Variants in CNTNAP5 observed in about 807,000 individuals in gnomAD.
CNTNAP5 encodes the protein contactin associated protein family member 5, also known as contactin-associated protein-like 5.
A neutral mutation model predicts 150.2 loss-of-function variants in CNTNAP5; 72 were observed. The ratio of observed to expected loss-of-function variants is 0.48; its 90% CI spans 0.40 to 0.58. The LOEUF (loss-of-function observed/expected upper bound fraction) is 0.58, where lower values mean the gene tolerates loss of function less well. Ranked by LOEUF, CNTNAP5 falls within the 20% of genes least tolerant of loss-of-function variation. The probability of loss-of-function intolerance (pLI) is 0.00; values close to 1 mark genes in which losing one functional copy is unlikely to be tolerated. For missense variants in CNTNAP5, 1,636 were observed against 1,626.2 expected (o/e 1.01, Z -0.10); for synonymous variants, 672 against 619.8 (o/e 1.08, Z -1.25).
intron 19 of CNTNAP5, among the ~76,000 whole-genome samples, chr2:124,855,873 T>C (rs963742400): frequency 6.6e-6 from 1 of 152,116 alleles, no homozygotes; most frequent in Admixed American, 6.6e-5. Flanking sequence ...CCTTTCACCC[T>C]TACCCTTGAG....
intron 3 of CNTNAP5, among the ~76,000 whole-genome samples, chr2:124,354,913 A>G (rs1001458695): frequency 6.6e-6 from 1 of 152,036 alleles, no homozygotes; most frequent in African/African-American, 2.4e-5. Context: ...AATCAGATCA[A>G]TCTTCAGTTT....
intron 19 of CNTNAP5, among the ~76,000 whole-genome samples, chr2:124,824,868 C>T (rs538707981): frequency 3.5e-4 from 53 of 152,318 alleles, no homozygotes; most frequent in African/African-American, 1.0e-3. Flanking sequence ...AATTTATACA[C>T]GTTCCAATCC....
chr2:124,516,531 A>G (rs1573429484), intron 8 of CNTNAP5, among the ~76,000 whole-genome samples: 1 of 152,356 alleles, frequency 6.6e-6, no homozygotes, highest in East Asian at 1.9e-4. Flanking sequence ...AGTGTCACGC[A>G]CTTGAGCAAG....
At chr2:124,408,294 G>A (rs530609277) in intron 3 of CNTNAP5, among the ~76,000 whole-genome samples, 290 of 152,150 alleles carry the variant, frequency 1.9e-3, no homozygotes, top group Non-Finnish European at 3.0e-3. Context: ...CAAGGCCGCA[G>A]CGAGGCTGGG....
chr2:124,313,321 G>A lies in CNTNAP5; in HGVS notation c.381+70928G>A, dbSNP rs370995446. 1.1e-3 allele frequency among the ~76,000 whole-genome samples: 174 copies of A among 152,258 alleles called. No homozygotes were observed. In the Middle Eastern group the frequency reaches 0.027, roughly 24 times the overall value. ...ACATTTAGGCATCCAATCATTAAAT[G>A]TATTTGTAACAGAAAAGGCAAAACT... is the stretch of plus-strand genomic sequence containing the variant. On this transcript the variant is annotated intron_variant, in intron 3 of 23. Coordinates refer to ENST00000682447, the MANE Select transcript of CNTNAP5 (RefSeq NM_001367498.1).
At chr2:124,242,050 G>A (rs1686899667) in intron 2 of CNTNAP5, 150 bp from the exon 3 acceptor site, 5 of 613,024 alleles carry the variant, frequency 8.2e-6, no homozygotes, top group Non-Finnish European at 1.4e-5. Flanking sequence ...AGTACCAGGG[G>A]GTTAAGTACA....
intron 1 of CNTNAP5, among the ~76,000 whole-genome samples, chr2:124,208,859 T>A (rs1004464817): frequency 1.3e-5 from 2 of 152,254 alleles, no homozygotes; most frequent in Non-Finnish European, 2.9e-5. Flanking sequence ...ACAGGATAGT[T>A]ATAATTGCAA....
intron 9 of CNTNAP5, among the ~76,000 whole-genome samples, chr2:124,525,692 T>C (rs1385546343): frequency 2.0e-5 from 3 of 152,196 alleles, no homozygotes; most frequent in Non-Finnish European, 4.4e-5. Flanking sequence ...TTACCTCAAA[T>C]GTCCTCCACC....
intron 3 of CNTNAP5, among the ~76,000 whole-genome samples, chr2:124,284,040 A>G (rs1018311456): frequency 6.6e-6 from 1 of 152,060 alleles, no homozygotes; most frequent in Non-Finnish European, 1.5e-5. Context: ...CTATGTTCTC[A>G]TTGTTCAGCT....
intron 10 of CNTNAP5, among the ~76,000 whole-genome samples, chr2:124,542,211 C>T (rs12613738): frequency 1.3e-5 from 2 of 150,534 alleles, no homozygotes; most frequent in South Asian, 2.1e-4. Flanking sequence ...TCTGGCCTCA[C>T]CTGTTCCTCC....
chr2:124,295,909 A>G (rs567244057), intron 3 of CNTNAP5, among the ~76,000 whole-genome samples: 4 of 152,314 alleles, frequency 2.6e-5, no homozygotes, highest in African/African-American at 9.6e-5. Context: ...ATCATCTGCA[A>G]GAAATAAGTG....
rs527867733 is a variant in CNTNAP5, at chr2:124,467,872, T to C, written c.919-6867T>C. On this transcript the variant is annotated intron_variant, in intron 6 of 23. Transcript: ENST00000682447. ...CATCAGCCTCTGTTGCTTCTAATGG[T>C]AGAAAAATCTAACCTTGATGATGAA... is the stretch of plus-strand genomic sequence containing the variant. 2.6e-5 allele frequency among the ~76,000 whole-genome samples: 4 copies of C among 152,282 alleles called. No individual in the cohort carries two copies. In the South Asian group the frequency reaches 8.3e-4, roughly 32 times the overall value.
intron 12 of CNTNAP5, among the ~76,000 whole-genome samples, chr2:124,610,623 T>C (rs1349654486): frequency 6.6e-6 from 1 of 152,130 alleles, no homozygotes; most frequent in Non-Finnish European, 1.5e-5. Context: ...TACCATGAAA[T>C]ACATTTCCAC....
intron 10 of CNTNAP5, among the ~76,000 whole-genome samples, chr2:124,530,258 C>T (rs1424952182): frequency 3.9e-5 from 6 of 152,090 alleles, no homozygotes; most frequent in Non-Finnish European, 8.8e-5. Context: ...TGCAATGAGC[C>T]GAGATGGCAC....
intron 3 of CNTNAP5, among the ~76,000 whole-genome samples, chr2:124,374,969 A>G (rs527975475): frequency 6.6e-6 from 1 of 152,250 alleles, no homozygotes; most frequent in African/African-American, 2.4e-5. Flanking sequence ...TCAAATTATA[A>G]CTCATAAATT....
At chr2:124,763,408 G>T (rs1038886379) in intron 14 of CNTNAP5, among the ~76,000 whole-genome samples, 1 of 152,076 alleles carries the variant, frequency 6.6e-6, no homozygotes, top group African/African-American at 2.4e-5. Context: ...ACCAAAAGCA[G>T]CATCTTTGTA....
chr2:124,333,202 G>C (rs1434971678), intron 3 of CNTNAP5, among the ~76,000 whole-genome samples: 2 of 152,054 alleles, frequency 1.3e-5, no homozygotes, highest in African/African-American at 2.4e-5. Flanking sequence ...TTGGGAAGTT[G>C]AAGCTATAGT....
chr2:124,113,776 T>A (rs1286005554), intron 1 of CNTNAP5, among the ~76,000 whole-genome samples: 1 of 151,986 alleles, frequency 6.6e-6, no homozygotes, highest in Non-Finnish European at 1.5e-5. Flanking sequence ...ACCTTTCACA[T>A]CCGTATTTAT....
intron 9 of CNTNAP5, among the ~76,000 whole-genome samples, chr2:124,526,240 G>C (rs1305461276): frequency 6.6e-6 from 1 of 152,158 alleles, no homozygotes; most frequent in Non-Finnish European, 1.5e-5. Context: ...TTAAACAAAT[G>C]CCCCACGCGT....
Sources: allele counts gnomAD v4.1 joint callset (sites outside exome capture counted in the v4.1 genomes callset), GRCh38; gene constraint gnomAD v4.1.1; transcripts MANE v1.5; gene names NCBI Gene and HGNC (gene_info 2026-07-23, HGNC 2026-07-21).